Variants in USP37 observed in about 807,000 individuals in gnomAD.
The protein encoded by USP37 is ubiquitin specific peptidase 37.
Under a neutral mutation model 124.0 loss-of-function variants are expected in USP37, and 27 were observed. That is an observed-to-expected ratio of 0.22 (90% confidence interval 0.16 to 0.30). The LOEUF (loss-of-function observed/expected upper bound fraction) is 0.30, where lower values mean the gene tolerates loss of function less well. Ranked by LOEUF, USP37 falls within the 10% of genes least tolerant of loss-of-function variation. USP37 has a pLI of 1.00. For missense variants in USP37, 889 were observed against 1,140.4 expected (o/e 0.78, Z 3.17); for synonymous variants, 365 against 388.0 (o/e 0.94, Z 0.70).
intron 4 of USP37, among the ~76,000 whole-genome samples, chr2:218,554,980 G>T (rs1260572192): frequency 6.6e-6 from 1 of 151,780 alleles, no homozygotes. Context: ...TTCATTCAAA[G>T]ATCATATGGA....
intron 16 of USP37, 37 bp downstream of exon 16, chr2:218,485,627 G>C: frequency 7.4e-7 from 1 of 1,353,572 alleles, no homozygotes; most frequent in Non-Finnish European, 9.6e-7. Context: ...GAATTCTTTA[G>C]TCCATAGCAA....
chr2:218,516,785 CT>C (rs34405734), intron 10 of USP37, among the ~76,000 whole-genome samples: 6,119 of 152,210 alleles, frequency 0.04, 162 homozygotes, highest in East Asian at 0.12. Flanking sequence ...GGTACCCCCC[CT>C]AGTGGACTGA....
At chr2:218,481,356 G>A (rs1399516444) in intron 17 of USP37, among the ~76,000 whole-genome samples, 1 of 152,140 alleles carries the variant, frequency 6.6e-6, no homozygotes, top group Non-Finnish European at 1.5e-5. Flanking sequence ...TGAAGCATTT[G>A]CTAAAAATAT....
rs141318853 is a variant in USP37 at position 218,557,602 on chromosome 2, G to A, written c.156+896C>T. ...GTTTTTCAATAGAATATTTTAGAAC[G>A]GATATTACACTTTTGCATAATCTAA... On this transcript the variant is annotated intron_variant, in intron 4 of 25. Coordinates refer to ENST00000258399, the MANE Select transcript of USP37 (RefSeq NM_020935.3). 9.7e-3 allele frequency among the ~76,000 whole-genome samples: 835 copies of A among 86,050 alleles called. 9 individuals are homozygous for A. The highest frequency in any genetic ancestry group is 0.04 in the African/African-American group (774 of 19,418). 56.5% of individuals were successfully genotyped at this position (86,050 alleles called of 152,430 possible).
chr2:218,476,118 C>T (rs1690960576), intron 19 of USP37, among the ~76,000 whole-genome samples: 1 of 152,034 alleles, frequency 6.6e-6, no homozygotes, highest in African/African-American at 2.4e-5. Context: ...AATACAGTAG[C>T]ATAAGATAAT....
chr2:218,498,164 ATT>A lies in USP37; in HGVS notation c.1026-9_1026-8del. ...ATTTCCCAAATTGGAGAAGCTGAAA[ATT>A]AAAGAAATAGTGCTTTAGAAGGCAA... On this transcript the variant is annotated splice_region_variant and splice_polypyrimidine_tract_variant and intron_variant, in intron 11 of 25. Transcript: ENST00000258399. The A allele has an allele frequency of 6.3e-7, 1 of 1,586,260 alleles. No homozygotes were observed. Among genetic ancestry groups the A allele is most frequent in the Non-Finnish European group, 8.5e-7 (1 of 1,171,914 alleles).
At position 218,497,854 on chromosome 2, in the gene USP37, G is replaced by A. The variant is rs1358139498; in HGVS notation, c.1161C>T (p.Arg387=). 2 of 1,612,876 alleles carry A rather than the reference G, an allele frequency of 1.2e-6. No homozygotes were observed. Among genetic ancestry groups the A allele is most frequent in the South Asian group, 2.2e-5 (2 of 90,896 alleles). Residue 387 remains arginine (R), a synonymous_variant, in exon 13 of 26, where the codon CGC becomes CGT. Transcript: ENST00000258399. ...CTTTTTTAACAAGCAAGTGTGCAAA[G>A]CGTCTAGTAAAACAAAAAACACAAA... The part of the protein sequence containing the change: ...KKIPLNALIR[R]FAHLLVKKDI...
intron 9 of USP37, 148 bp from the exon 10 acceptor site, chr2:218,530,188 G>A: frequency 1.6e-6 from 1 of 626,276 alleles, no homozygotes; most frequent in Non-Finnish European, 2.7e-6. Flanking sequence ...ATTGCTCTTT[G>A]CTTTATTGTG....
chr2:218,467,176 C>A (rs192798305), intron 20 of USP37, among the ~76,000 whole-genome samples: 1 of 151,240 alleles, frequency 6.6e-6, no homozygotes, highest in Admixed American at 6.6e-5. Context: ...TCCCCTCCCC[C>A]CTCCTCCCTT....
intron 19 of USP37, among the ~76,000 whole-genome samples, chr2:218,475,880 C>A (rs1420235377): frequency 6.6e-6 from 1 of 151,436 alleles, no homozygotes; most frequent in Non-Finnish European, 1.5e-5. Context: ...GAGCCAAGAT[C>A]GTGCCACTGC....
intron 11 of USP37, among the ~76,000 whole-genome samples, chr2:218,509,031 C>A (rs1032763614): frequency 6.6e-6 from 1 of 152,182 alleles, no homozygotes; most frequent in Non-Finnish European, 1.5e-5. Flanking sequence ...TTACTTCCGA[C>A]AATTTATCCT....
At chr2:218,510,232 A>G in intron 10 of USP37, 92 bp from the exon 11 acceptor site, 3 of 1,377,724 alleles carry the variant, frequency 2.2e-6, no homozygotes, top group Non-Finnish European at 2.9e-6. Context: ...ATGTTTAAGG[A>G]AAAAAATCTT....
chr2:218,559,507 A>C (rs1693204461), intron 3 of USP37, among the ~76,000 whole-genome samples: 1 of 152,250 alleles, frequency 6.6e-6, no homozygotes, highest in Non-Finnish European at 1.5e-5. Flanking sequence ...CAGAATTACA[A>C]TATTTGAGGA....
chr2:218,455,166 C>T, intron 25 of USP37, 149 bp from the exon 26 acceptor site: 2 of 961,712 alleles, frequency 2.1e-6, no homozygotes, highest in Non-Finnish European at 3.1e-6. Context: ...GCAGCTCACT[C>T]ATTTGATCTT....
chr2:218,537,113 G>A (rs578252193), intron 8 of USP37, among the ~76,000 whole-genome samples: 5 of 152,208 alleles, frequency 3.3e-5, no homozygotes, highest in South Asian at 2.1e-4. Flanking sequence ...TCAATTACAT[G>A]GTATGTAAAT....
At chr2:218,510,452 C>T (rs914467793) in intron 10 of USP37, among the ~76,000 whole-genome samples, 10 of 152,156 alleles carry the variant, frequency 6.6e-5, no homozygotes, top group African/African-American at 2.2e-4. Context: ...TTTACCTAGT[C>T]TTGAACAGAT....
chr2:218,527,211 C>T (rs148528268), intron 10 of USP37, among the ~76,000 whole-genome samples: 79 of 152,294 alleles, frequency 5.2e-4, no homozygotes, highest in Non-Finnish European at 9.3e-4. Flanking sequence ...AATTCTGGCC[C>T]CATGCAGGTA....
At chr2:218,531,678 T>G (rs1691335636) in intron 9 of USP37, among the ~76,000 whole-genome samples, 6 of 152,254 alleles carry the variant, frequency 3.9e-5, no homozygotes, top group Admixed American at 3.9e-4. Flanking sequence ...GAATTTATCA[T>G]TCTAGATACC....
chr2:218,461,287 T>C (rs550502200), intron 22 of USP37, among the ~76,000 whole-genome samples: 2 of 150,996 alleles, frequency 1.3e-5, no homozygotes, highest in South Asian at 4.2e-4. Flanking sequence ...GCAGGTGGAT[T>C]ACCTGAGGTC....
Sources: gnomAD v4.1 joint callset for allele counts (sites outside exome capture counted in the v4.1 genomes callset) on GRCh38, gnomAD v4.1.1 for gene constraint, MANE v1.5 for transcripts, NCBI Gene and HGNC (gene_info 2026-07-23, HGNC 2026-07-21) for gene names.